Variants in COL24A1 observed in about 807,000 individuals in gnomAD.
COL24A1 encodes the protein collagen alpha-1(XXIV) chain.
Under a neutral mutation model 253.9 loss-of-function variants are expected in COL24A1, and 224 were observed. That is an observed-to-expected ratio of 0.88 (90% CI 0.79 to 0.99). COL24A1 has a LOEUF of 0.99. Ranked by LOEUF, COL24A1 falls within the 50% of genes least tolerant of loss-of-function variation. The pLI is 0.00. For missense variants in COL24A1, 2,131 were observed against 2,068.5 expected, an observed-to-expected ratio of 1.03 and a Z score of -0.59; for synonymous variants, 685 against 673.7, an observed-to-expected ratio of 1.02 and a Z score of -0.26.
At chr1:85,798,200 T>TTAA (rs1671027895) in intron 47 of COL24A1, among the ~76,000 whole-genome samples, 1 of 139,024 alleles carries the variant, frequency 7.2e-6, no homozygotes, top group Admixed American at 7.2e-5. Flanking sequence ...CTGTCTCTAT[T>TTAA]AAAAAAAAAA....
intron 14 of COL24A1, chr1:86,030,590 C>T (rs1019422523): frequency 1.3e-5 from 2 of 152,228 alleles, no homozygotes; most frequent in African/African-American, 4.8e-5. Context: ...CCAACAGACC[C>T]TCAAACCCAC....
intron 5 of COL24A1, among the ~76,000 whole-genome samples, chr1:86,112,027 G>A (rs2102155903): frequency 6.6e-6 from 1 of 152,250 alleles, no homozygotes; most frequent in Admixed American, 6.5e-5. Context: ...AAGTCAGTGA[G>A]ACCAAGAACC....
chr1:86,060,630 C>G (rs931965083), intron 8 of COL24A1, among the ~76,000 whole-genome samples: 1 of 151,982 alleles, frequency 6.6e-6, no homozygotes. Context: ...TCTTCCCTTC[C>G]CTTGATCAAA....
At position 85,970,276 on chromosome 1, in the gene COL24A1, A is replaced by T. The variant is rs776438676; in HGVS notation, c.2419-5T>A. 1 of 1,283,172 alleles carries T rather than the reference A, an allele frequency of 7.8e-7. No individual in the cohort carries two copies. The highest frequency in any genetic ancestry group is 1.1e-6 in the Non-Finnish European group (1 of 940,528). The allele number at this position is 1,283,172 out of a possible 1,614,324, so 79.5% of individuals were successfully genotyped here. A position where few individuals can be genotyped will look rare whatever the true frequency, so the allele number is the denominator to read the frequency against. ...TCCAATTGGTCCTTCTTCTCCCTTA[A>T]AAAAAAAAAAAGTCAGAACATATTA... On this transcript the variant is annotated splice_region_variant and splice_polypyrimidine_tract_variant and intron_variant, in intron 21 of 59. Transcript: ENST00000370571.
At chr1:86,151,936 C>T (rs989747321) in intron 1 of COL24A1, among the ~76,000 whole-genome samples, 2 of 152,150 alleles carry the variant, frequency 1.3e-5, no homozygotes, top group African/African-American at 4.8e-5. Flanking sequence ...GACACACACA[C>T]GTGATATACA....
chr1:85,807,264 A>G (rs1402010652), intron 47 of COL24A1, among the ~76,000 whole-genome samples: 1 of 152,202 alleles, frequency 6.6e-6, no homozygotes, highest in East Asian at 1.9e-4. Flanking sequence ...GAAAATGTGG[A>G]GATAACTCTA....
chr1:86,001,958 A>G (rs565610576), intron 19 of COL24A1, among the ~76,000 whole-genome samples: 1 of 152,350 alleles, frequency 6.6e-6, no homozygotes, highest in South Asian at 2.1e-4. Context: ...ACACGGAATG[A>G]TAATTGAATA....
At chr1:86,043,591 G>A (rs1400810008) in intron 12 of COL24A1, among the ~76,000 whole-genome samples, 3 of 151,652 alleles carry the variant, frequency 2.0e-5, no homozygotes, top group South Asian at 4.2e-4. Context: ...GCAGTGGCAC[G>A]CTCTCAGCTC....
chr1:86,053,757 T>C (rs1700483009), intron 10 of COL24A1, among the ~76,000 whole-genome samples: 1 of 152,066 alleles, frequency 6.6e-6, no homozygotes, highest in East Asian at 1.9e-4. Flanking sequence ...AACATTTACA[T>C]TTGACAAAAT....
At chr1:85,953,591 A>T (rs79263818) in intron 24 of COL24A1, among the ~76,000 whole-genome samples, 4,383 of 152,330 alleles carry the variant, frequency 0.029, 91 homozygotes, top group Non-Finnish European at 0.045. Context: ...TGCTAGAATA[A>T]ATAAATGAGA....
At chr1:85,940,844 T>C (rs1688695796) in intron 24 of COL24A1, among the ~76,000 whole-genome samples, 1 of 152,222 alleles carries the variant, frequency 6.6e-6, no homozygotes, top group Non-Finnish European at 1.5e-5. Flanking sequence ...CAGATGCTTT[T>C]ACTCTCACAT....
intron 7 of COL24A1, among the ~76,000 whole-genome samples, chr1:86,074,293 A>T (rs1247592275): frequency 6.6e-6 from 1 of 151,988 alleles, no homozygotes; most frequent in South Asian, 2.1e-4. Context: ...GAAATCAAAA[A>T]AGGAAGGGTT....
chr1:85,893,460 TGA>T (rs1683335750), intron 31 of COL24A1, among the ~76,000 whole-genome samples: 1 of 152,132 alleles, frequency 6.6e-6, no homozygotes, highest in African/African-American at 2.4e-5. Context: ...TCTCACAAAC[TGA>T]TAGACTATCT....
intron 2 of COL24A1, among the ~76,000 whole-genome samples, chr1:86,135,109 T>G (rs1053216084): frequency 1.8e-4 from 28 of 151,858 alleles, no homozygotes; most frequent in African/African-American, 6.5e-4. Flanking sequence ...CGTAATGGCC[T>G]TCTTTGTCTC....
intron 29 of COL24A1, 135 bp from the exon 30 acceptor site, chr1:85,896,200 T>G: frequency 1.7e-6 from 2 of 1,177,462 alleles, no homozygotes; most frequent in South Asian, 2.9e-5. Flanking sequence ...AAAACATCTC[T>G]GCCTGTGTAG....
intron 24 of COL24A1, among the ~76,000 whole-genome samples, chr1:85,948,757 A>G (rs970847573): frequency 7.3e-5 from 11 of 151,620 alleles, no homozygotes; most frequent in Admixed American, 1.3e-4. Context: ...CCTGGCAGAG[A>G]TACAACAAAA....
At position 86,133,851 on chromosome 1, in the gene COL24A1, T is replaced by C. The variant is rs1457921011; in HGVS notation, c.122-7637A>G. On this transcript the variant is annotated intron_variant, in intron 2 of 59. Coordinates refer to ENST00000370571, the MANE Select transcript of COL24A1 (RefSeq NM_152890.7). Reference sequence around the variant, plus strand: ...CTGCCAGGCTTTGGTATCAGGATGATGCTGGCCTCATCAAATGAGTTAGGG... The same window carrying C: ...CTGCCAGGCTTTGGTATCAGGATGACGCTGGCCTCATCAAATGAGTTAGGG... Among the ~76,000 whole-genome samples the C allele has an allele frequency of 3.3e-4, 50 of 152,186 alleles. 1 individual carries two copies. The highest frequency in any genetic ancestry group is 2.9e-5 in the Non-Finnish European group (2 of 68,030).
chr1:86,150,102 C>T (rs1025414784), intron 1 of COL24A1, among the ~76,000 whole-genome samples: 4 of 152,126 alleles, frequency 2.6e-5, no homozygotes, highest in Non-Finnish European at 5.9e-5. Flanking sequence ...CTGGAAAGAC[C>T]TTGTATATGT....
At chr1:86,096,631 T>C (rs1703908705) in intron 5 of COL24A1, among the ~76,000 whole-genome samples, 1 of 152,116 alleles carries the variant, frequency 6.6e-6, no homozygotes, top group African/African-American at 2.4e-5. Context: ...AGTCACTCCA[T>C]TGCATACATA....
Sources: allele counts gnomAD v4.1 joint callset (sites outside exome capture counted in the v4.1 genomes callset), GRCh38; gene constraint gnomAD v4.1.1; transcripts MANE v1.5; gene names NCBI Gene and HGNC (gene_info 2026-07-23, HGNC 2026-07-21).